The following ETV7 variants were observed in gnomAD, a reference collection of about 807,000 sequenced individuals.
ETV7 encodes the protein transcription factor ETV7.
Under a neutral mutation model 39.1 loss-of-function variants are expected in ETV7, and 43 were observed. The observed-to-expected ratio is 1.10, with a 90% CI of 0.86 to 1.42. The LOEUF is 1.42. Ranked by LOEUF, ETV7 falls within the 40% of genes most tolerant of loss-of-function variation. ETV7 has a pLI of 0.00. For missense variants in ETV7, 432 were observed against 442.3 expected (o/e 0.98, Z 0.21); for synonymous variants, 196 against 176.6 (o/e 1.11, Z -0.87).
intron 7 of ETV7, among the ~76,000 whole-genome samples, chr6:36,354,863 G>C (rs1442464144): frequency 6.6e-6 from 1 of 152,130 alleles, no homozygotes; most frequent in Non-Finnish European, 1.5e-5. Context: ...TATATGTCTT[G>C]TGCTTTAAGT....
downstream of ETV7, among the ~76,000 whole-genome samples, chr6:36,364,373 C>G (rs573704825): frequency 2.0e-5 from 3 of 152,336 alleles, no homozygotes; most frequent in East Asian, 5.8e-4. Flanking sequence ...CCAGCCCTGC[C>G]CCGCAGGAAG....
At chr6:36,381,749 A>T (rs567756212) in intron 2 of ETV7, among the ~76,000 whole-genome samples, 1 of 152,306 alleles carries the variant, frequency 6.6e-6, no homozygotes, top group South Asian at 2.1e-4. Flanking sequence ...CAGTGCATAC[A>T]GTTCACGTTG....
chr6:36,358,386 T>C (rs942717047), intron 7 of ETV7, among the ~76,000 whole-genome samples: 7 of 152,240 alleles, frequency 4.6e-5, no homozygotes, highest in African/African-American at 1.7e-4. Context: ...GGCCCTTTTT[T>C]CTTTTGGTGG....
downstream of ETV7, among the ~76,000 whole-genome samples, chr6:36,363,368 G>A (rs1437881910): frequency 6.6e-6 from 1 of 152,004 alleles, no homozygotes; most frequent in East Asian, 1.9e-4. Flanking sequence ...GTCTGGAGTC[G>A]TTCGTTCCTC....
At chr6:36,385,099 G>A (rs1345793385) in intron 2 of ETV7, among the ~76,000 whole-genome samples, 1 of 152,090 alleles carries the variant, frequency 6.6e-6, no homozygotes, top group Non-Finnish European at 1.5e-5. Context: ...TTGGGAAGCC[G>A]AGATGGGAGG....
intron 7 of ETV7, among the ~76,000 whole-genome samples, chr6:36,358,061 C>A (rs965887028): frequency 3.9e-5 from 6 of 152,154 alleles, no homozygotes; most frequent in Admixed American, 6.5e-5. Context: ...ATGAACCAAG[C>A]TTTATGTGGC....
chr6:36,376,621 C>CA (rs1221368321), intron 2 of ETV7, among the ~76,000 whole-genome samples: 2 of 151,988 alleles, frequency 1.3e-5, no homozygotes, highest in Non-Finnish European at 2.9e-5. Flanking sequence ...ACTAAAAATA[C>CA]AAAAATTAGC....
chr6:36,366,748 G>A lies in ETV7; in HGVS notation c.923C>T (p.Pro308Leu), dbSNP rs2234084. 8.7e-6 allele frequency: 14 copies of A among 1,613,870 alleles called. No individual in the cohort carries two copies. The highest frequency in any genetic ancestry group is 2.2e-5 in the East Asian group (1 of 44,864). The change falls in exon 8 of 8, where the codon CCG becomes CTG. Residue 308 changes from proline (P) to leucine (L), a missense_variant. Pro to Leu is a moderately conservative substitution (Grantham distance 98). Coordinates refer to ENST00000340181, the MANE Select transcript of ETV7 (RefSeq NM_016135.4). ...GTGCTTGTCCTGGACCATCTTTCCC[G>A]GAGTCTTTAGAAATCTAGAATTCAG... Reference protein sequence around the residue: ...QKLLFRFLKTPGKMVQDKHSH... With the variant: ...QKLLFRFLKTLGKMVQDKHSH...
intron 5 of ETV7, 112 bp from the exon 6 acceptor site, chr6:36,369,183 A>G: frequency 8.2e-7 from 1 of 1,215,160 alleles, no homozygotes; most frequent in Non-Finnish European, 1.1e-6. Flanking sequence ...GAGCACCAGC[A>G]GGAAGGTGAA....
At position 36,366,673 on chromosome 6, in the gene ETV7, T is replaced by G; in HGVS notation, c.998A>C (p.Lys333Thr). 6.2e-7 allele frequency: 1 copy of G among 1,614,164 alleles called. No homozygotes were observed. The highest frequency in any genetic ancestry group is 2.2e-5 in the East Asian group (1 of 44,874). ...CGGAGAGATTTCTGGCCTCTTGTCC[T>G]TGAACTCTATTCTGTCCTGCTCCTG... ...ESQEQDRIEFKDKRPEISP is the reference protein window; with the variant it reads ...ESQEQDRIEFTDKRPEISP Residue 333 changes from lysine (K) to threonine (T), a missense_variant, in exon 8 of 8, where the codon AAG becomes ACG. By Grantham distance (78) the Lys-to-Thr change is moderately conservative (BLOSUM62 -1). Coordinates refer to ENST00000340181, the MANE Select transcript of ETV7 (RefSeq NM_016135.4).
intron 7 of ETV7, among the ~76,000 whole-genome samples, chr6:36,359,630 TAC>T (rs2073154479): frequency 6.6e-6 from 1 of 152,242 alleles, no homozygotes; most frequent in Non-Finnish European, 1.5e-5. Flanking sequence ...TCCTTCATAG[TAC>T]ATATCACCAC....
chr6:36,378,149 C>T (rs748549526), intron 2 of ETV7, among the ~76,000 whole-genome samples: 6 of 150,870 alleles, frequency 4.0e-5, no homozygotes, highest in South Asian at 2.1e-4. Context: ...CGCACACACG[C>T]GTGCCTATGT....
chr6:36,367,023 T>G, intron 6 of ETV7, 48 bp from the exon 7 acceptor site: 10 of 1,410,316 alleles, frequency 7.1e-6, no homozygotes, highest in African/African-American at 1.4e-5. Flanking sequence ...CATGTCCTGC[T>G]CCTTCCACAC....
downstream of ETV7, among the ~76,000 whole-genome samples, chr6:36,364,232 A>T (rs1269827867): frequency 1.3e-5 from 2 of 152,050 alleles, no homozygotes; most frequent in Non-Finnish European, 2.9e-5. Flanking sequence ...GTGAGCCCGC[A>T]CTCCTCAGCC....
intron 4 of ETV7, among the ~76,000 whole-genome samples, chr6:36,372,980 G>A (rs1411306406): frequency 6.6e-6 from 1 of 151,660 alleles, no homozygotes; most frequent in Non-Finnish European, 1.5e-5. Context: ...ACCAGAAGAG[G>A]AGGTCGAGGA....
At chr6:36,354,660 G>A (rs1474299585) in exon 8 of ETV7, 2 of 698,210 alleles carry the variant, frequency 2.9e-6, no homozygotes, top group African/African-American at 3.5e-5. Flanking sequence ...AACTCCATAT[G>A]AATATGAAGA....
At position 36,382,025 on chromosome 6, in the gene ETV7, C is replaced by T. The variant is rs138977532; in HGVS notation, c.142+3509G>A. On this transcript the variant is annotated intron_variant, in intron 2 of 7. Coordinates refer to ENST00000340181, the MANE Select transcript of ETV7 (RefSeq NM_016135.4). The stretch of plus-strand genomic sequence containing the variant: ...GGTGATGTCACTGTCAGTACTCACA[C>T]GTTCCAGTGAATTAGAACACTCGCT... Among the ~76,000 whole-genome samples the T allele has an allele frequency of 9.8e-3, 1,498 of 152,316 alleles. 97 individuals are homozygous for T. Among genetic ancestry groups the T allele is most frequent in the Admixed American group, 0.092 (1,403 of 15,290 alleles).
Position 36,369,088 on chromosome 6 carries a change from G to A in ETV7, c.665-17C>T, listed in dbSNP as rs769054490. The stretch of plus-strand genomic sequence containing the variant: ...GGCGGCAGTCTGCAATTTAGCACAG[G>A]GAGTGCAGGCAGCGCAGCTTTACTG... On this transcript the variant is annotated splice_polypyrimidine_tract_variant and intron_variant, in intron 5 of 7. Transcript: ENST00000340181. 1 of 1,613,798 alleles carries A rather than the reference G, an allele frequency of 6.2e-7. No individual in the cohort carries two copies. The highest frequency in any genetic ancestry group is 1.1e-5 in the South Asian group (1 of 91,082).
intron 2 of ETV7, among the ~76,000 whole-genome samples, chr6:36,379,113 G>C (rs1773520756): frequency 6.6e-6 from 1 of 152,248 alleles, no homozygotes. Flanking sequence ...CTGAGGGGTC[G>C]AGGGCAGGCC....
Sources: gnomAD v4.1 joint callset for allele counts (sites outside exome capture counted in the v4.1 genomes callset) on GRCh38, gnomAD v4.1.1 for gene constraint, MANE v1.5 for transcripts, NCBI Gene and HGNC (gene_info 2026-07-23, HGNC 2026-07-21) for gene names.